TAF15: variants seen among roughly 807,000 people sequenced by gnomAD.
TAF15 encodes TATA-box binding protein associated factor 15, also known as TATA-binding protein-associated factor 2N.
A neutral mutation model predicts 102.5 loss-of-function variants in TAF15; 37 were observed. The ratio of observed to expected loss-of-function variants is 0.36; its 90% confidence interval spans 0.28 to 0.47. The LOEUF (loss-of-function observed/expected upper bound fraction) is 0.47, where lower values mean the gene tolerates loss of function less well. TAF15 is among the 20% of genes least tolerant of loss of function. TAF15 has a pLI of 0.99. For missense variants in TAF15, 652 were observed against 760.7 expected, an observed-to-expected ratio of 0.86 and a Z score of 1.68; for synonymous variants, 273 against 259.2, an observed-to-expected ratio of 1.05 and a Z score of -0.51.
intron 15 of TAF15, 49 bp from the exon 16 acceptor site, chr17:35,846,857 C>T: frequency 6.2e-7 from 1 of 1,607,766 alleles, no homozygotes; most frequent in South Asian, 1.1e-5. Context: ...AATGCTCCCC[C>T]TTCGTAGAAA....
At chr17:35,823,996 G>C (rs1715532316) in intron 6 of TAF15, 82 bp from the exon 7 acceptor site, 5 of 1,563,054 alleles carry the variant, frequency 3.2e-6, no homozygotes, top group African/African-American at 1.4e-5. Flanking sequence ...GATATGTGTG[G>C]CCTAAAGAGC....
chr17:35,841,549 G>A (rs1026818654), intron 11 of TAF15, among the ~76,000 whole-genome samples: 3 of 151,744 alleles, frequency 2.0e-5, no homozygotes, highest in African/African-American at 7.3e-5. Flanking sequence ...AGGACCACAG[G>A]TGCCACCACA....
intron 9 of TAF15, 142 bp downstream of exon 9, chr17:35,834,740 CTTTTTTTTT>C: frequency 2.1e-5 from 5 of 235,220 alleles, no homozygotes; most frequent in South Asian, 3.7e-5. Context: ...AGCTTTATTT[CTTTTTTTTT>C]TTTTTTTTTT....
intron 1 of TAF15, chr17:35,809,887 C>G: frequency 1.8e-6 from 1 of 547,592 alleles, no homozygotes; most frequent in South Asian, 2.2e-5. Context: ...TCTACGCCAT[C>G]GTAGGGGCGG....
intron 10 of TAF15, among the ~76,000 whole-genome samples, chr17:35,836,554 T>C (rs549902721): frequency 6.6e-6 from 1 of 152,320 alleles, no homozygotes; most frequent in East Asian, 1.9e-4. Flanking sequence ...GACTGAAATA[T>C]ATGCAAGTTC....
chr17:35,814,870 GTGTATATATATA>G (rs1041258892), intron 1 of TAF15, among the ~76,000 whole-genome samples: 5 of 150,828 alleles, frequency 3.3e-5, no homozygotes, highest in Admixed American at 2.6e-4. Flanking sequence ...AAAAGTGTGT[GTGTATATATATA>G]TGTATATATA....
intron 2 of TAF15, chr17:35,818,778 C>T (rs1206489480): frequency 1.3e-5 from 2 of 151,256 alleles, no homozygotes; most frequent in Non-Finnish European, 2.9e-5. Flanking sequence ...CATGCCACTG[C>T]ACTCCAGCCT....
At chr17:35,824,027 A>T in intron 6 of TAF15, 51 bp from the exon 7 acceptor site, 5 of 1,613,310 alleles carry the variant, frequency 3.1e-6, no homozygotes, top group Non-Finnish European at 4.2e-6. Flanking sequence ...TGTTATTTGA[A>T]GCTTTAGAAA....
chr17:35,830,930 G>A (rs1423166876), intron 7 of TAF15, among the ~76,000 whole-genome samples: 2 of 152,182 alleles, frequency 1.3e-5, no homozygotes, highest in Non-Finnish European at 2.9e-5. Flanking sequence ...TAAGGAGATT[G>A]AAGCTTATGG....
chr17:35,824,329 A>G lies in TAF15; in HGVS notation c.605+131A>G, dbSNP rs565611363. ...ACTTTAAAAAGGGATTATATATTGG[A>G]GAAAAAGGCAGAAATTAAAAGTGTA... On this transcript the variant is annotated intron_variant, in intron 7 of 15. Transcript: ENST00000605844. 4 of 1,181,376 alleles carry G rather than the reference A, an allele frequency of 3.4e-6. No homozygotes were observed. The African/African-American group carries it at 6.2e-5, about 18-fold the overall frequency. The allele number at this position is 1,181,376 out of a possible 1,614,324, so 73.2% of individuals were successfully genotyped here. A position where few individuals can be genotyped will look rare whatever the true frequency, so the allele number is the denominator to read the frequency against.
At chr17:35,828,837 A>G (rs1359138654) in intron 7 of TAF15, among the ~76,000 whole-genome samples, 1 of 151,660 alleles carries the variant, frequency 6.6e-6, no homozygotes, top group Non-Finnish European at 1.5e-5. Flanking sequence ...TTAGAAATCC[A>G]TTTTGTATTT....
At chr17:35,839,369 A>ATTTTTTT (rs1250423932) in intron 11 of TAF15, among the ~76,000 whole-genome samples, 1 of 93,890 alleles carries the variant, frequency 1.1e-5, no homozygotes, top group African/African-American at 4.9e-5. Flanking sequence ...GAAGAAATAG[A>ATTTTTTT]CTTTTTTTTT....
intron 8 of TAF15, 95 bp from the exon 9 acceptor site, chr17:35,834,471 T>A: frequency 8.7e-7 from 1 of 1,148,904 alleles, no homozygotes; most frequent in Non-Finnish European, 1.3e-6. Flanking sequence ...TTTGGAAGTA[T>A]TGACTTTTCA....
chr17:35,844,176 T>C lies in TAF15; in HGVS notation c.1088+18T>C. The stretch of plus-strand genomic sequence containing the variant: ...CCTAATCCGTAAGTGTCTTGTTTAC[T>C]TTGGTGAGAGTAGGGGTTGGGATTG... On this transcript the variant is annotated intron_variant, in intron 13 of 15. Transcript: ENST00000605844. 6.2e-7 allele frequency: 1 copy of C among 1,613,896 alleles called. No homozygotes were observed. The highest frequency in any genetic ancestry group is 8.5e-7 in the Non-Finnish European group (1 of 1,179,868).
chr17:35,821,210 G>A (rs1033202977), intron 5 of TAF15, among the ~76,000 whole-genome samples: 4 of 152,124 alleles, frequency 2.6e-5, no homozygotes, highest in South Asian at 2.1e-4. Context: ...AAAGCATTGA[G>A]GAAAGATTGG....
At chr17:35,810,738 A>T (rs528259616) in intron 1 of TAF15, 1 of 152,334 alleles carries the variant, frequency 6.6e-6, no homozygotes, top group African/African-American at 2.4e-5. Flanking sequence ...GTCTTGCAGG[A>T]TAGAAATGTG....
At chr17:35,839,735 C>G (rs1245108870) in intron 11 of TAF15, among the ~76,000 whole-genome samples, 4 of 152,008 alleles carry the variant, frequency 2.6e-5, no homozygotes, top group Non-Finnish European at 5.9e-5. Flanking sequence ...TCTCTATAGC[C>G]CTCTACTCAA....
intron 7 of TAF15, chr17:35,830,302 C>A (rs976712255): frequency 2.2e-4 from 33 of 152,112 alleles, no homozygotes; most frequent in African/African-American, 7.7e-4. Context: ...AACAAAAAAA[C>A]CAGCTAGTTT....
Position 35,809,514 on chromosome 17 carries a change from T to C in TAF15, c.-56T>C, listed in dbSNP as rs1366431144. The C allele has an allele frequency of 6.2e-7, 1 of 1,611,684 alleles. No homozygotes were observed. The highest frequency in any genetic ancestry group is 8.5e-7 in the Non-Finnish European group (1 of 1,179,508). ...AGCTCCGGCCGCCGCGCCGCCTGGC[T>C]TTCGTATTCGTTGTTCTCGGCGGGC... On this transcript the variant is annotated 5_prime_UTR_variant, in exon 1 of 16. Transcript: ENST00000605844.
Sources: gnomAD v4.1 joint callset for allele counts (sites outside exome capture counted in the v4.1 genomes callset) on GRCh38, gnomAD v4.1.1 for gene constraint, MANE v1.5 for transcripts, NCBI Gene and HGNC (gene_info 2026-07-23, HGNC 2026-07-21) for gene names.